Variants in DPH6 observed in about 807,000 individuals in gnomAD.
DPH6 encodes the protein diphthamine biosynthesis 6.
Under a neutral mutation model 38.2 loss-of-function variants are expected in DPH6, and 33 were observed. That is an observed-to-expected ratio of 0.86 (90% CI 0.65 to 1.15). The LOEUF (loss-of-function observed/expected upper bound fraction) is 1.15, where lower values mean the gene tolerates loss of function less well. Ranked by LOEUF, DPH6 falls within the 50% of genes most tolerant of loss-of-function variation. The probability of loss-of-function intolerance (pLI) is 0.00; values close to 1 mark genes in which losing one functional copy is unlikely to be tolerated. For missense variants in DPH6, 325 were observed against 320.0 expected, an observed-to-expected ratio of 1.02 and a Z score of -0.12; for synonymous variants, 108 against 103.0, an observed-to-expected ratio of 1.05 and a Z score of -0.30.
At chr15:35,402,605 G>C (rs1462595183) in intron 6 of DPH6, among the ~76,000 whole-genome samples, 3 of 151,948 alleles carry the variant, frequency 2.0e-5, no homozygotes, top group African/African-American at 4.8e-5. Context: ...ATGGTCTTAG[G>C]ACATAAAGCC....
At chr15:35,421,023 A>G (rs2141013094) in intron 5 of DPH6, among the ~76,000 whole-genome samples, 1 of 152,326 alleles carries the variant, frequency 6.6e-6, no homozygotes, top group East Asian at 1.9e-4. Flanking sequence ...GTATTTAACA[A>G]CAAATTGGGC....
intron 1 of DPH6, among the ~76,000 whole-genome samples, chr15:35,543,259 A>AATATATATATATATAT (rs6145522): frequency 1.7e-4 from 19 of 114,116 alleles, no homozygotes; most frequent in Non-Finnish European, 2.9e-4. Context: ...ACATACACAT[A>AATATATATATATATAT]ATATATATAT....
At chr15:35,526,801 GA>G (rs907446845) in intron 3 of DPH6, among the ~76,000 whole-genome samples, 6 of 152,002 alleles carry the variant, frequency 3.9e-5, no homozygotes, top group Admixed American at 1.3e-4. Flanking sequence ...AATTTTAATG[GA>G]AAAAAATCAC....
downstream of DPH6, among the ~76,000 whole-genome samples, chr15:35,369,206 A>C (rs1483255443): frequency 2.6e-5 from 4 of 151,842 alleles, no homozygotes; most frequent in Non-Finnish European, 4.4e-5. Flanking sequence ...GGCCAACAGC[A>C]GTTCATCAAA....
At chr15:35,295,440 G>A (rs1468053727) in intron 3 of DPH6, among the ~76,000 whole-genome samples, 1 of 152,128 alleles carries the variant, frequency 6.6e-6, no homozygotes, top group Non-Finnish European at 1.5e-5. Context: ...CACGTTCTAG[G>A]ACCTGGAGGT....
chr15:35,177,338 G>T, the DPH6 span, among the ~76,000 whole-genome samples: 1 of 151,952 alleles, frequency 6.6e-6, no homozygotes, highest in African/African-American at 2.4e-5. Flanking sequence ...ACTTTGGGAG[G>T]CTGAGGTAGG....
At chr15:35,339,671 T>C (rs189573757) in intron 3 of DPH6, among the ~76,000 whole-genome samples, 1 of 152,290 alleles carries the variant, frequency 6.6e-6, no homozygotes, top group East Asian at 1.9e-4. Context: ...GGTTGTACAA[T>C]ATCCATGTAG....
downstream of DPH6, among the ~76,000 whole-genome samples, chr15:35,327,061 C>T: frequency 6.6e-6 from 1 of 152,092 alleles, no homozygotes; most frequent in South Asian, 2.1e-4. Context: ...GTGAGCCATG[C>T]TAGCATTTGG....
intron 7 of DPH6, among the ~76,000 whole-genome samples, chr15:35,375,108 C>T (rs915551826): frequency 5.3e-5 from 8 of 152,050 alleles, no homozygotes; most frequent in South Asian, 4.2e-4. Flanking sequence ...CAATGGGGTG[C>T]GCCAAAACTA....
At chr15:35,351,928 C>T (rs1206754002) in intron 3 of DPH6, among the ~76,000 whole-genome samples, 2 of 152,010 alleles carry the variant, frequency 1.3e-5, no homozygotes, top group Admixed American at 6.6e-5. Context: ...CTATGTTGCC[C>T]ATACTGGTCT....
At position 35,234,632 on chromosome 15, in the gene DPH6, A is replaced by T. The variant is rs142096738; in HGVS notation, n.201-14050T>A. ...AATATTGACTCCACTCATAGACTTA[A>T]GCCAAATTTAGGAATGGGCATGTAA... is the stretch of plus-strand genomic sequence containing the variant. On this transcript the variant is annotated intron_variant and non_coding_transcript_variant, in intron 3 of 3. Coordinates refer to the DPH6 transcript ENST00000560386. Among the ~76,000 whole-genome samples the T allele has an allele frequency of 6.4e-3, 977 of 152,374 alleles. 7 individuals are homozygous for T. The highest frequency in any genetic ancestry group is 8.8e-3 in the Non-Finnish European group (597 of 68,038).
rs1566914433 is a variant in DPH6, at chr15:35,450,793, G to A, written c.397C>T (p.Leu133Phe). ...RIRVENVCKR[L>F]NLQPLAYLWQ... Reference sequence around the variant, plus strand: ...AGATAAGCTAAAGGCTGGAGATTAAGCCTTTTACACCTACAAAAGAAAAAG... The same window carrying A: ...AGATAAGCTAAAGGCTGGAGATTAAACCTTTTACACCTACAAAAGAAAAAG... The change falls in exon 5 of 9, where the codon CTT becomes TTT. Residue 133 changes from leucine (L) to phenylalanine (F), a missense_variant. Leu to Phe is a conservative substitution (Grantham distance 22). Coordinates refer to ENST00000256538, the MANE Select transcript of DPH6 (RefSeq NM_080650.4). 6.2e-7 allele frequency: 1 copy of A among 1,606,856 alleles called. No individual in the cohort carries two copies. Among genetic ancestry groups the A allele is most frequent in the South Asian group, 1.1e-5 (1 of 89,774 alleles).
intron 3 of DPH6, among the ~76,000 whole-genome samples, chr15:35,506,378 A>G (rs1208265280): frequency 6.6e-6 from 1 of 152,142 alleles, no homozygotes; most frequent in Non-Finnish European, 1.5e-5. Flanking sequence ...CCCCAACAGA[A>G]CTAAAGATTT....
chr15:35,205,436 C>T, the DPH6 span, among the ~76,000 whole-genome samples: 2 of 152,042 alleles, frequency 1.3e-5, no homozygotes, highest in Admixed American at 1.3e-4. Context: ...GTCTAACTTA[C>T]TTTATCCTCT....
At chr15:35,195,814 G>T in the DPH6 span, among the ~76,000 whole-genome samples, 1 of 152,010 alleles carries the variant, frequency 6.6e-6, no homozygotes, top group South Asian at 2.1e-4. Context: ...TCCCCCTAAA[G>T]CCCTACCTCC....
At position 35,287,630 on chromosome 15, in the gene DPH6, C is replaced by T. The variant is rs187518887; in HGVS notation, n.201-67048G>A. ...TCTGAGAAAATGAATATTCTTCCTA[C>T]GAACAGTGTAGTAAGAAGATACATT... On this transcript the variant is annotated intron_variant and non_coding_transcript_variant, in intron 3 of 3. Coordinates refer to the DPH6 transcript ENST00000560386. Among the ~76,000 whole-genome samples the T allele has an allele frequency of 1.8e-4, 28 of 152,130 alleles. 1 individual carries two copies. Among genetic ancestry groups the T allele is most frequent in the African/African-American group, 5.1e-4 (21 of 41,520 alleles).
At chr15:35,351,622 G>A (rs538387136) in intron 3 of DPH6, among the ~76,000 whole-genome samples, 1 of 151,832 alleles carries the variant, frequency 6.6e-6, no homozygotes, top group East Asian at 1.9e-4. Flanking sequence ...GGTTACATCA[G>A]TCTGTTTTAA....
At chr15:35,538,673 A>G (rs1382250042) in intron 2 of DPH6, among the ~76,000 whole-genome samples, 1 of 152,144 alleles carries the variant, frequency 6.6e-6, no homozygotes, top group Non-Finnish European at 1.5e-5. Flanking sequence ...CACCCCTAAT[A>G]ATCTCTACTA....
At chr15:35,226,324 T>G (rs1595435560) in intron 3 of DPH6, among the ~76,000 whole-genome samples, 1 of 152,178 alleles carries the variant, frequency 6.6e-6, no homozygotes. Flanking sequence ...CCCCTTATAC[T>G]AATAAATACC....
Sources: allele counts gnomAD v4.1 joint callset (sites outside exome capture counted in the v4.1 genomes callset), GRCh38; gene constraint gnomAD v4.1.1; transcripts MANE v1.5; gene names NCBI Gene and HGNC (gene_info 2026-07-23, HGNC 2026-07-21).